ASB18: variants seen among roughly 807,000 people sequenced by gnomAD.
The protein encoded by ASB18 is ankyrin repeat and SOCS box protein 18.
A neutral mutation model predicts 33.4 loss-of-function variants in ASB18; 33 were observed. The observed-to-expected ratio is 0.99, with a 90% CI of 0.75 to 1.32. The LOEUF is 1.32. Ranked by LOEUF, ASB18 falls within the 40% of genes most tolerant of loss-of-function variation. ASB18 has a pLI of 0.00. For synonymous variants in ASB18, 295 were observed against 307.6 expected (o/e 0.96, Z 0.43); for missense variants, 694 against 655.5 (o/e 1.06, Z -0.64).
At chr2:236,201,335 G>A (rs913343032) in intron 4 of ASB18, among the ~76,000 whole-genome samples, 1 of 151,934 alleles carries the variant, frequency 6.6e-6, no homozygotes, top group Non-Finnish European at 1.5e-5. Context: ...AATTTTTTTT[G>A]TAGAGACAAG....
Position 236,249,039 on chromosome 2 carries a change from T to TG in ASB18, c.206-7638_206-7637insC, listed in dbSNP as rs1194629399. 35 of 152,374 alleles carry TG rather than the reference T, an allele frequency of 2.3e-4. No individual in the cohort carries two copies. The highest frequency in any genetic ancestry group is 8.2e-4 in the African/African-American group (34 of 41,596). The allele number at this position is 152,374 out of a possible 1,614,324, so 9.4% of individuals were successfully genotyped here. On this transcript the variant is annotated intron_variant, in intron 1 of 5. Transcript: ENST00000409749. This position sits in a 1 kb window ranked among gnomAD's most constrained non-coding sequence, Gnocchi z 4.6. The stretch of plus-strand genomic sequence containing the variant: ...TTGGTTGTTTTGATGCATTGATATT[T>TG]ATACCCAAATTTAGATGGCATAAAT...
chr2:236,250,560 C>G lies in ASB18; in HGVS notation c.206-9158G>C, dbSNP rs1280639386. ...CAATTTCCTTCACCCCTTTTTTTACCTGGAGGGTTTCTGTAAATGGCCATG... is the reference window on the plus strand; with the variant it reads ...CAATTTCCTTCACCCCTTTTTTTACGTGGAGGGTTTCTGTAAATGGCCATG... On this transcript the variant is annotated intron_variant, in intron 1 of 5. Coordinates refer to ENST00000409749, the MANE Select transcript of ASB18 (RefSeq NM_212556.4). The surrounding 1 kb of genome is among the most constrained non-coding windows in gnomAD (Gnocchi z 4.1). 1 of 151,976 alleles carries G rather than the reference C, an allele frequency of 6.6e-6. No homozygotes were observed. Among genetic ancestry groups the G allele is most frequent in the Non-Finnish European group, 1.5e-5 (1 of 68,004 alleles). 9.4% of individuals were successfully genotyped at this position (151,976 alleles called of 1,614,324 possible).
Position 236,195,034 on chromosome 2 carries a change from G to A in ASB18, c.1239C>T (p.Ser413=). 6.2e-7 allele frequency: 1 copy of A among 1,612,550 alleles called. No individual in the cohort carries two copies. Among genetic ancestry groups the A allele is most frequent in the Non-Finnish European group, 8.5e-7 (1 of 1,179,234 alleles). The stretch of plus-strand genomic sequence containing the variant: ...GTGGGGTGAGGGCCAAGGCAAAGAG[G>A]GACTGGTAGAACGGCTTGTGCATCT... ...VFQMHKPFYQ[S]LFALALTPRC... Residue 413 remains serine (S), a synonymous_variant, in exon 6 of 6, where the codon TCC becomes TCT. Transcript: ENST00000409749. This position sits in a 1 kb window ranked among gnomAD's most constrained non-coding sequence, Gnocchi z 5.5.
chr2:236,218,563 C>T (rs1003557037), intron 3 of ASB18, among the ~76,000 whole-genome samples: 2 of 152,176 alleles, frequency 1.3e-5, no homozygotes, highest in South Asian at 2.1e-4. Context: ...CTTTGGGAGG[C>T]CAAGGCCGGC....
rs139808048 is a variant in ASB18 at position 236,201,601 on chromosome 2, ATGTC to A, written c.1102-5220_1102-5217del. On this transcript the variant is annotated intron_variant, in intron 4 of 5. Coordinates refer to ENST00000409749, the MANE Select transcript of ASB18 (RefSeq NM_212556.4). ...GTATATTGCAATATGGCTGTAGACA[ATGTC>A]TGTTTTGGCACTAGCAGAAGTCACA... Among the ~76,000 whole-genome samples, 1,335 of 152,134 alleles carry A rather than the reference ATGTC, an allele frequency of 8.8e-3. 19 individuals are homozygous for A. The highest frequency in any genetic ancestry group is 0.03 in the African/African-American group (1,228 of 41,492).
At position 236,216,845 on chromosome 2, in the gene ASB18, G is replaced by A. The variant is rs1024658319; in HGVS notation, c.597-1979C>T. On this transcript the variant is annotated intron_variant, in intron 3 of 5. Coordinates refer to ENST00000409749, the MANE Select transcript of ASB18 (RefSeq NM_212556.4). The surrounding 1 kb of genome is among the most constrained non-coding windows in gnomAD (Gnocchi z 6.1). ...ACACATCATGATCCAGCTCCTGGGGGCTCACCGGGTTCACCTCCTGAGGCG... is the reference window on the plus strand; with the variant it reads ...ACACATCATGATCCAGCTCCTGGGGACTCACCGGGTTCACCTCCTGAGGCG... Among the ~76,000 whole-genome samples, 3 of 152,162 alleles carry A rather than the reference G, an allele frequency of 2.0e-5. No individual in the cohort carries two copies. Among genetic ancestry groups the A allele is most frequent in the Non-Finnish European group, 2.9e-5 (2 of 68,036 alleles).
rs970512171 is a variant in ASB18 at position 236,251,167 on chromosome 2, T to C, written c.206-9765A>G. Reference sequence around the variant, plus strand: ...ATCCAAAGGTCAAGTGCCGCTTTCATTGGCAGCCCAGGAGGGCTTTTTTGG... The same window carrying C: ...ATCCAAAGGTCAAGTGCCGCTTTCACTGGCAGCCCAGGAGGGCTTTTTTGG... On this transcript the variant is annotated intron_variant, in intron 1 of 5. Transcript: ENST00000409749. The surrounding 1 kb of genome is among the most constrained non-coding windows in gnomAD (Gnocchi z 5.3). Among the ~76,000 whole-genome samples, 5 of 152,196 alleles carry C rather than the reference T, an allele frequency of 3.3e-5. No individual in the cohort carries two copies. Among genetic ancestry groups the C allele is most frequent in the Admixed American group, 2.6e-4 (4 of 15,284 alleles).
rs1172611404 is a variant in ASB18 at position 236,222,904 on chromosome 2, C to T, written c.597-8038G>A. Among the ~76,000 whole-genome samples the T allele has an allele frequency of 6.6e-6, 1 of 152,164 alleles. No individual in the cohort carries two copies. The highest frequency in any genetic ancestry group is 1.5e-5 in the Non-Finnish European group (1 of 68,028). ...GTGTGGTGGCGCACACCTGTAGTCCCAGCTACTTGGGAAGCTGAAGCAGGA... is the reference window on the plus strand; with the variant it reads ...GTGTGGTGGCGCACACCTGTAGTCCTAGCTACTTGGGAAGCTGAAGCAGGA... On this transcript the variant is annotated intron_variant, in intron 3 of 5. Transcript: ENST00000409749. The surrounding 1 kb of genome is among the most constrained non-coding windows in gnomAD (Gnocchi z 5.5).
At chr2:236,224,185 GTTTTTTTTTTTTTT>G (rs1161648778) in intron 3 of ASB18, among the ~76,000 whole-genome samples, 23 of 66,806 alleles carry the variant, frequency 3.4e-4, no homozygotes, top group South Asian at 1.3e-3. Context: ...GTGTTGTCAG[GTTTTTTTTTTTTTT>G]TTTTTTTTTT....
chr2:236,195,163 C>T lies in ASB18; in HGVS notation c.1216-106G>A. 9.5e-7 allele frequency: 1 copy of T among 1,053,474 alleles called. No individual in the cohort carries two copies. Among genetic ancestry groups the T allele is most frequent in the Non-Finnish European group, 1.4e-6 (1 of 728,112 alleles). 65.3% of individuals were successfully genotyped at this position (1,053,474 alleles called of 1,614,324 possible). A position where few individuals can be genotyped will look rare whatever the true frequency, so the allele number is the denominator to read the frequency against. On this transcript the variant is annotated intron_variant, in intron 5 of 5. Transcript: ENST00000409749. The surrounding 1 kb of genome is among the most constrained non-coding windows in gnomAD (Gnocchi z 5.5). ...TACAAGCGGGCTTTTCTATGGCTAA[C>T]TGATCCCAGATAAGCGCACTGGAGG... is the stretch of plus-strand genomic sequence containing the variant.
chr2:236,261,935 C>T (rs2060720613), intron 1 of ASB18, among the ~76,000 whole-genome samples: 1 of 152,170 alleles, frequency 6.6e-6, no homozygotes, highest in African/African-American at 2.4e-5. Context: ...ATGGTGGAAA[C>T]TGTCCCCATG....
intron 4 of ASB18, among the ~76,000 whole-genome samples, chr2:236,202,503 T>C (rs1183299486): frequency 2.0e-5 from 3 of 152,058 alleles, no homozygotes; most frequent in Non-Finnish European, 4.4e-5. Flanking sequence ...TAAAATGCTA[T>C]TAGTTACCTT....
chr2:236,242,416 A>T (rs2060625238), intron 1 of ASB18, among the ~76,000 whole-genome samples: 1 of 152,112 alleles, frequency 6.6e-6, no homozygotes. Context: ...GTCTGCTGTC[A>T]CTAGTTGGCG....
chr2:236,237,841 G>A lies in ASB18; in HGVS notation c.444C>T (p.Ala148=). The change falls in exon 3 of 6, where the codon GCC becomes GCT. Residue 148 remains alanine, a synonymous_variant. Coordinates refer to ENST00000409749, the MANE Select transcript of ASB18 (RefSeq NM_212556.4). This position sits in a 1 kb window ranked among gnomAD's most constrained non-coding sequence, Gnocchi z 6.2. ...HLLGRGADPD[A]SPGGRGALHE... ...GCAGGGCGCCGCGGCCGCCGGGGCT[G>A]GCGTCTGGGTCTGCGCCGCGGCCGA... 1 of 1,397,038 alleles carries A rather than the reference G, an allele frequency of 7.2e-7. No individual in the cohort carries two copies. 86.5% of individuals were successfully genotyped at this position (1,397,038 alleles called of 1,614,324 possible).
chr2:236,209,518 C>T lies in ASB18; in HGVS notation c.1101+4844G>A, dbSNP rs577291287. ...CTGCTGGGCTCAAGTCATCCTTGTG[C>T]CTCCCAGAGTGCTAGGATTATAGGC... On this transcript the variant is annotated intron_variant, in intron 4 of 5. Transcript: ENST00000409749. The surrounding 1 kb of genome is among the most constrained non-coding windows in gnomAD (Gnocchi z 4.4). Among the ~76,000 whole-genome samples, 1 of 152,238 alleles carries T rather than the reference C, an allele frequency of 6.6e-6. No individual in the cohort carries two copies. The highest frequency in any genetic ancestry group is 1.9e-4 in the East Asian group (1 of 5,180).
rs145378825 is a variant in ASB18 at position 236,257,916 on chromosome 2, G to C, written c.205+6225C>G. On this transcript the variant is annotated intron_variant, in intron 1 of 5. Transcript: ENST00000409749. The surrounding 1 kb of genome is among the most constrained non-coding windows in gnomAD (Gnocchi z 5.5). ...CAGCTGGAGGAGTGGAAAGGGGAGA[G>C]CTCTTGGAGATGCTCTCACCTGTTC... Among the ~76,000 whole-genome samples the C allele has an allele frequency of 1.0e-3, 158 of 152,340 alleles. No individual in the cohort carries two copies. The highest frequency in any genetic ancestry group is 2.1e-3 in the Non-Finnish European group (143 of 68,036).
At chr2:236,233,782 A>G (rs1356978748) in intron 3 of ASB18, among the ~76,000 whole-genome samples, 1 of 152,194 alleles carries the variant, frequency 6.6e-6, no homozygotes, top group Non-Finnish European at 1.5e-5. Flanking sequence ...GGAGGAGTAT[A>G]TTGTGTGCAT....
In ASB18 at chr2:236,255,517, T is replaced by A. The variant is rs1033882783; in HGVS notation, c.205+8624A>T. On this transcript the variant is annotated intron_variant, in intron 1 of 5. Transcript: ENST00000409749. This position sits in a 1 kb window ranked among gnomAD's most constrained non-coding sequence, Gnocchi z 4.4. ...TGTATTTCTTTTTCAGGTGGGCACATTGCATGCCACAGGGATTTTGCTGGT... is the reference window on the plus strand; with the variant it reads ...TGTATTTCTTTTTCAGGTGGGCACAATGCATGCCACAGGGATTTTGCTGGT... 3.9e-5 allele frequency among the ~76,000 whole-genome samples: 6 copies of A among 152,134 alleles called. No individual in the cohort carries two copies. The highest frequency in any genetic ancestry group is 1.4e-4 in the African/African-American group (6 of 41,424).
At position 236,200,598 on chromosome 2, in the gene ASB18, C is replaced by T. The variant is rs971140189; in HGVS notation, c.1102-4213G>A. ...AGAGCCAGCCCAGAGAATGCATGTT[C>T]TGCCCTCACTCTCCTTTCCTCCCTC... On this transcript the variant is annotated intron_variant, in intron 4 of 5. Coordinates refer to ENST00000409749, the MANE Select transcript of ASB18 (RefSeq NM_212556.4). This position sits in a 1 kb window ranked among gnomAD's most constrained non-coding sequence, Gnocchi z 4.2. Among the ~76,000 whole-genome samples the T allele has an allele frequency of 6.6e-5, 10 of 152,186 alleles. No individual in the cohort carries two copies. Among genetic ancestry groups the T allele is most frequent in the African/African-American group, 2.4e-4 (10 of 41,440 alleles).
Sources: allele counts gnomAD v4.1 joint callset (sites outside exome capture counted in the v4.1 genomes callset), GRCh38; gene constraint gnomAD v4.1.1; non-coding constraint Gnocchi (gnomAD v3.1); transcripts MANE v1.5; gene names NCBI Gene and HGNC (gene_info 2026-07-23, HGNC 2026-07-21).